Variants in SYCE1L observed in about 807,000 individuals in gnomAD.
SYCE1L encodes synaptonemal complex central element protein 1-like.
Under a neutral mutation model 39.6 loss-of-function variants are expected in SYCE1L, and 51 were observed. The ratio of observed to expected loss-of-function variants is 1.29; its 90% CI spans 1.03 to 1.63. SYCE1L has a LOEUF of 1.63. Among genes scored for constraint, SYCE1L ranks in the 40% most tolerant of loss-of-function variants. The pLI, the probability that SYCE1L is intolerant of heterozygous loss-of-function variation, is 0.00. For synonymous variants in SYCE1L, 147 were observed against 122.4 expected, an observed-to-expected ratio of 1.20 and a Z score of -1.33; for missense variants, 426 against 304.9, an observed-to-expected ratio of 1.40 and a Z score of -2.96.
At position 77,199,414 on chromosome 16, in the gene SYCE1L, C is replaced by T. The variant is rs1481832586; in HGVS notation, c.-38C>T. 1 of 1,548,332 alleles carries T rather than the reference C, an allele frequency of 6.5e-7. No individual in the cohort carries two copies. The highest frequency in any genetic ancestry group is 2.0e-5 in the Admixed American group (1 of 50,794). On this transcript the variant is annotated 5_prime_UTR_variant, in exon 1 of 11. Coordinates refer to ENST00000378644, the MANE Select transcript of SYCE1L (RefSeq NM_001129979.3). ...TCACGTGGTTTCTTTTTTAACCAGT[C>T]ATCAAGCGAGGCTCGCGCGCAGGCC...
At chr16:77,201,465 T>C (rs1340911339) in intron 1 of SYCE1L, 2 of 152,220 alleles carry the variant, frequency 1.3e-5, no homozygotes, top group African/African-American at 4.8e-5. Context: ...TAGTATCTGG[T>C]ATTGACGACC....
chr16:77,210,719 C>A (rs2054816525), intron 6 of SYCE1L, among the ~76,000 whole-genome samples: 1 of 152,116 alleles, frequency 6.6e-6, no homozygotes. Flanking sequence ...GAGTTCATTC[C>A]ATGGGGGACA....
chr16:77,204,751 A>G (rs1042395012), intron 1 of SYCE1L, among the ~76,000 whole-genome samples: 1 of 152,102 alleles, frequency 6.6e-6, no homozygotes, highest in Non-Finnish European at 1.5e-5. Flanking sequence ...TTACATAGAA[A>G]ATGTGGGATG....
chr16:77,203,398 C>G (rs2054760400), intron 1 of SYCE1L, among the ~76,000 whole-genome samples: 1 of 141,248 alleles, frequency 7.1e-6, no homozygotes, highest in Non-Finnish European at 1.6e-5. Context: ...ATAATACATA[C>G]TAATTTATAA....
intron 1 of SYCE1L, among the ~76,000 whole-genome samples, chr16:77,204,405 C>A (rs1383333858): frequency 1.3e-5 from 2 of 152,094 alleles, no homozygotes; most frequent in African/African-American, 4.8e-5. Flanking sequence ...TAGGGAGGGC[C>A]ATAATTCAAT....
intron 1 of SYCE1L, among the ~76,000 whole-genome samples, chr16:77,204,918 G>A (rs552665831): frequency 7.9e-5 from 12 of 151,836 alleles, no homozygotes; most frequent in South Asian, 2.1e-4. Context: ...GGCGGCGTGC[G>A]CCTTTAGTCC....
intron 6 of SYCE1L, among the ~76,000 whole-genome samples, chr16:77,209,768 A>G (rs2054810031): frequency 6.6e-6 from 1 of 151,904 alleles, no homozygotes. Context: ...TCACTTGCTT[A>G]TTTGCCTCCT....
At chr16:77,204,085 A>C (rs1269055676) in intron 1 of SYCE1L, among the ~76,000 whole-genome samples, 1 of 152,062 alleles carries the variant, frequency 6.6e-6, no homozygotes, top group Non-Finnish European at 1.5e-5. Flanking sequence ...AAAAAAAAGA[A>C]AAAGATTAAA....
At chr16:77,204,957 A>G (rs1308287141) in intron 1 of SYCE1L, among the ~76,000 whole-genome samples, 1 of 151,564 alleles carries the variant, frequency 6.6e-6, no homozygotes, top group Non-Finnish European at 1.5e-5. Context: ...AGGCAGGAGA[A>G]TCGCTTGAAC....
At chr16:77,208,437 ACAG>A in intron 3 of SYCE1L, 25 bp from the exon 4 acceptor site, 1 of 1,551,174 alleles carries the variant, frequency 6.4e-7, no homozygotes, top group East Asian at 2.4e-5. Context: ...CTACACTCAT[ACAG>A]TGTCTTTTTC....
chr16:77,202,742 A>G (rs1387002322), intron 1 of SYCE1L, among the ~76,000 whole-genome samples: 2 of 152,232 alleles, frequency 1.3e-5, no homozygotes, highest in Non-Finnish European at 2.9e-5. Flanking sequence ...GTTTCTGGGA[A>G]TAAAATGTCA....
chr16:77,212,039 T>C, intron 7 of SYCE1L, 91 bp from the exon 8 acceptor site: 1 of 1,373,578 alleles, frequency 7.3e-7, no homozygotes, highest in Non-Finnish European at 9.8e-7. Flanking sequence ...CTAATGTAGG[T>C]GAAGACTTCG....
chr16:77,209,525 G>C (rs2054808690), intron 6 of SYCE1L, 54 bp downstream of exon 6: 1 of 1,540,492 alleles, frequency 6.5e-7, no homozygotes, highest in Non-Finnish European at 8.8e-7. Context: ...TGAAAAAGGA[G>C]GGAGCAAGAG....
chr16:77,207,343 G>A (rs1479319622), intron 2 of SYCE1L, among the ~76,000 whole-genome samples: 1 of 152,202 alleles, frequency 6.6e-6, no homozygotes. Context: ...TTTTGCCCCA[G>A]TTCCGTGTTG....
At chr16:77,206,537 G>A (rs1222135133) in intron 2 of SYCE1L, 37 bp downstream of exon 2, 1 of 1,548,840 alleles carries the variant, frequency 6.5e-7, no homozygotes, top group Non-Finnish European at 8.7e-7. Context: ...TCAGCCTGGG[G>A]TTTCAAGTCA....
At chr16:77,199,562 A>G (rs777479812) in intron 1 of SYCE1L, 50 bp downstream of exon 1, 18 of 1,373,046 alleles carry the variant, frequency 1.3e-5, no homozygotes, top group South Asian at 1.0e-4. Context: ...CAGGGCAGAA[A>G]GGAGGGAGGA....
intron 6 of SYCE1L, among the ~76,000 whole-genome samples, chr16:77,210,999 G>C (rs1052712499): frequency 2.0e-5 from 3 of 152,222 alleles, no homozygotes; most frequent in Admixed American, 2.0e-4. Context: ...CCTGGGGCCT[G>C]GCAGGCCACT....
In SYCE1L at chr16:77,206,472, G is replaced by A. The variant is rs1255147487; in HGVS notation, c.93G>A (p.Leu31=). 3 of 1,551,642 alleles carry A rather than the reference G, an allele frequency of 1.9e-6. No individual in the cohort carries two copies. The highest frequency in any genetic ancestry group is 3.3e-4 in the Middle Eastern group (2 of 5,992). ...GQAKSLKTED[L]LAMVIKLQKE... is the part of the protein sequence containing the mutation. ...CCAAGTCTTTGAAGACTGAAGACTT[G>A]CTGGCAATGGTGATAAAGCTGCAGA... Residue 31 remains leucine (L), a synonymous_variant, in exon 2 of 11, where the codon TTG becomes TTA. Transcript: ENST00000378644.
At chr16:77,203,083 A>T (rs1238108467) in intron 1 of SYCE1L, among the ~76,000 whole-genome samples, 1 of 152,200 alleles carries the variant, frequency 6.6e-6, no homozygotes, top group Non-Finnish European at 1.5e-5. Flanking sequence ...GAGATTTAGG[A>T]TTAAGGAGAG....
Sources: gnomAD v4.1 joint callset for allele counts (sites outside exome capture counted in the v4.1 genomes callset) on GRCh38, gnomAD v4.1.1 for gene constraint, MANE v1.5 for transcripts, NCBI Gene and HGNC (gene_info 2026-07-23, HGNC 2026-07-21) for gene names.